Variants in MYO9A observed in about 807,000 individuals in gnomAD.
MYO9A encodes the protein myosin IXA.
A neutral mutation model predicts 293.3 loss-of-function variants in MYO9A; 103 were observed. The ratio of observed to expected loss-of-function variants is 0.35; its 90% confidence interval spans 0.30 to 0.41. The LOEUF is 0.41. Ranked by LOEUF, MYO9A falls within the 10% of genes least tolerant of loss-of-function variation. The probability of loss-of-function intolerance (pLI) is 1.00; values close to 1 mark genes in which losing one functional copy is unlikely to be tolerated. For synonymous variants in MYO9A, 1,001 were observed against 1,035.7 expected (o/e 0.97, Z 0.64); for missense variants, 2,685 against 3,033.0 (o/e 0.89, Z 2.69).
At chr15:72,073,553 G>A (rs2079256802) in intron 1 of MYO9A, among the ~76,000 whole-genome samples, 1 of 152,134 alleles carries the variant, frequency 6.6e-6, no homozygotes, top group Non-Finnish European at 1.5e-5. Flanking sequence ...GCCACACTTT[G>A]ATTGAACAAA....
At chr15:72,106,595 A>C (rs957591841) in intron 1 of MYO9A, among the ~76,000 whole-genome samples, 2 of 152,126 alleles carry the variant, frequency 1.3e-5, no homozygotes, top group African/African-American at 4.8e-5. Context: ...AATAAAATCA[A>C]GGGTTTTTTT....
At chr15:71,867,075 AAC>A (rs35264363) in intron 32 of MYO9A, among the ~76,000 whole-genome samples, 8,755 of 147,820 alleles carry the variant, frequency 0.059, 742 homozygotes, top group African/African-American at 0.18. Context: ...CAAAAAACAA[AAC>A]ACACACACAC....
rs897105313 is a variant in MYO9A, at chr15:71,898,907, A to G, written c.3596T>C (p.Phe1199Ser). ...CTCTATGGCTTTTATTCTGTTGTCA[A>G]AAGAACAATCCTCCCATCCTGAAGG... ...SDPSGWEDCS[F>S]DNRIKAIEEC... Residue 1199 changes from phenylalanine (F) to serine (S), a missense_variant, in exon 25 of 42, where the codon TTT becomes TCT. Phe to Ser is a radical substitution (Grantham distance 155). Coordinates refer to ENST00000356056, the MANE Select transcript of MYO9A (RefSeq NM_006901.4). 1 of 1,614,140 alleles carries G rather than the reference A, an allele frequency of 6.2e-7. No homozygotes were observed. Among genetic ancestry groups the G allele is most frequent in the Non-Finnish European group, 8.5e-7 (1 of 1,180,002 alleles).
chr15:72,019,207 T>G, intron 5 of MYO9A, 112 bp from the exon 6 acceptor site: 1 of 847,784 alleles, frequency 1.2e-6, no homozygotes, highest in South Asian at 1.4e-5. Flanking sequence ...AAAGTTATTT[T>G]GCATAGCAGC....
intron 28 of MYO9A, among the ~76,000 whole-genome samples, chr15:71,882,158 G>T (rs1434852626): frequency 6.6e-6 from 1 of 152,052 alleles, no homozygotes; most frequent in Non-Finnish European, 1.5e-5. Context: ...GTTTCTTACT[G>T]TAACTGGGTC....
rs1458950525 is a variant in MYO9A, at chr15:71,883,626, G to C, written c.5366C>G (p.Thr1789Arg). 2.5e-6 allele frequency: 4 copies of C among 1,613,392 alleles called. No homozygotes were observed. The highest frequency in any genetic ancestry group is 3.4e-6 in the Non-Finnish European group (4 of 1,179,756). Residue 1789 changes from threonine to arginine, a missense_variant, in exon 28 of 42, where the codon ACA (threonine) becomes AGA (arginine). Physicochemically the swap from Thr to Arg is moderately conservative, Grantham distance 71. This residue lies in a region of MYO9A where 1,434 missense variants were observed against 1,497.7 expected (regional missense o/e 0.96). Coordinates refer to ENST00000356056, the MANE Select transcript of MYO9A (RefSeq NM_006901.4). Reference sequence around the variant, plus strand: ...AAACTGATGAGCTGGAATCACATCTGTGCCTGCAAAGAGTGGCGAAACCTC... The same window carrying C: ...AAACTGATGAGCTGGAATCACATCTCTGCCTGCAAAGAGTGGCGAAACCTC... The part of the protein sequence containing the change: ...QSEVSPLFAG[T>R]DVIPAHQFPD...
intron 1 of MYO9A, among the ~76,000 whole-genome samples, chr15:72,070,179 T>C (rs1172653266): frequency 1.0e-4 from 15 of 146,292 alleles, no homozygotes; most frequent in African/African-American, 2.8e-4. Flanking sequence ...AGGTGGCTCA[T>C]GCCTGTAATC....
rs1156473007 is a variant in MYO9A, at chr15:71,898,001, T to A, written c.4502A>T (p.Gln1501Leu). ...TTCATTCTGTTGCTGCAACTGTTTTTGCCTTTCTTCCTTCTCAGTGTTTAG... is the reference window on the plus strand; with the variant it reads ...TTCATTCTGTTGCTGCAACTGTTTTAGCCTTTCTTCCTTCTCAGTGTTTAG... ...EKLNTEKEERQKQLQQQNEKE... is the reference protein window; with the variant it reads ...EKLNTEKEERLKQLQQQNEKE... Residue 1501 changes from glutamine (Q) to leucine (L), a missense_variant, in exon 25 of 42, where the codon CAA (glutamine) becomes CTA (leucine). Coordinates refer to ENST00000356056, the MANE Select transcript of MYO9A (RefSeq NM_006901.4). The A allele has an allele frequency of 6.2e-7, 1 of 1,614,192 alleles. No homozygotes were observed. Among genetic ancestry groups the A allele is most frequent in the South Asian group, 1.1e-5 (1 of 91,086 alleles).
intron 39 of MYO9A, among the ~76,000 whole-genome samples, chr15:71,832,132 C>T (rs185473912): frequency 2.4e-3 from 368 of 152,170 alleles, no homozygotes; most frequent in African/African-American, 5.6e-3. Flanking sequence ...CAAAAATTAG[C>T]TCGGTGTGGT....
chr15:72,065,016 G>C (rs2078977991), intron 1 of MYO9A, among the ~76,000 whole-genome samples: 1 of 152,146 alleles, frequency 6.6e-6, no homozygotes. Context: ...AGAGAATCCA[G>C]AAACAGGCTC....
chr15:71,944,330 G>T (rs949760395), intron 15 of MYO9A, among the ~76,000 whole-genome samples: 3 of 152,062 alleles, frequency 2.0e-5, no homozygotes, highest in African/African-American at 7.2e-5. Flanking sequence ...GTTAAGAAAA[G>T]TAGTTTTCAA....
At chr15:71,865,679 A>C (rs927986206) in intron 32 of MYO9A, among the ~76,000 whole-genome samples, 6 of 152,236 alleles carry the variant, frequency 3.9e-5, no homozygotes, top group Admixed American at 2.0e-4. Flanking sequence ...GTGAGTGCTC[A>C]GAAAGTACAG....
chr15:71,893,844 GA>G, intron 25 of MYO9A, 66 bp from the exon 26 acceptor site: 1 of 1,250,668 alleles, frequency 8.0e-7, no homozygotes, highest in Admixed American at 1.9e-5. Context: ...CCAGGTTAAA[GA>G]CTTCCAGCAA....
intron 3 of MYO9A, among the ~76,000 whole-genome samples, chr15:72,028,233 AT>A (rs1336045243): frequency 3.4e-5 from 5 of 145,782 alleles, no homozygotes; most frequent in African/African-American, 1.2e-4. Context: ...ATATATATAT[AT>A]ATATAAATAT....
intron 5 of MYO9A, 40 bp downstream of exon 5, chr15:72,020,878 T>G (rs372535267): frequency 1.8e-4 from 220 of 1,230,114 alleles, no homozygotes; most frequent in Non-Finnish European, 2.3e-4. Flanking sequence ...TTAAATTTAA[T>G]ACTGCCCTAT....
At chr15:71,983,707 T>G (rs1404975025) in intron 11 of MYO9A, among the ~76,000 whole-genome samples, 1 of 152,108 alleles carries the variant, frequency 6.6e-6, no homozygotes, top group Non-Finnish European at 1.5e-5. Flanking sequence ...GGTCTCACAC[T>G]CCTGACCTCA....
At chr15:72,101,547 C>T (rs62024424) in intron 1 of MYO9A, among the ~76,000 whole-genome samples, 1 of 127,564 alleles carries the variant, frequency 7.8e-6, no homozygotes, top group Non-Finnish European at 1.7e-5. Flanking sequence ...CCAGCCGCCC[C>T]GTCCGGGAGG....
Position 72,110,069 on chromosome 15 carries a change from G to A in MYO9A, c.-72+7611C>T, listed in dbSNP as rs371512101. 8.6e-5 allele frequency among the ~76,000 whole-genome samples: 13 copies of A among 151,224 alleles called. No individual in the cohort carries two copies. In the South Asian group the frequency reaches 2.7e-3, roughly 32 times the overall value. ...AGCTACTCAGGAGGTTGAAGTGGGA[G>A]GACTGCTTGAGCCCAGGAGCTTGAG... On this transcript the variant is annotated intron_variant, in intron 1 of 41. Transcript: ENST00000356056.
At chr15:72,069,831 G>A (rs545322731) in intron 1 of MYO9A, among the ~76,000 whole-genome samples, 9 of 152,070 alleles carry the variant, frequency 5.9e-5, no homozygotes, top group Admixed American at 3.3e-4. Context: ...GCGCAGGGCC[G>A]GGGGAGGCTG....
Sources: gnomAD v4.1 joint callset for allele counts (sites outside exome capture counted in the v4.1 genomes callset) on GRCh38, gnomAD v4.1.1 for gene constraint, gnomAD v4.1.1 regional missense constraint, MANE v1.5 for transcripts, NCBI Gene and HGNC (gene_info 2026-07-23, HGNC 2026-07-21) for gene names.